NFASC: variants seen among roughly 807,000 people sequenced by gnomAD.
The protein encoded by NFASC is neurofascin.
In NFASC, 43 loss-of-function variants were observed where a neutral mutation model predicts 147.5. The observed-to-expected ratio is 0.29, with a 90% CI of 0.23 to 0.38. The LOEUF is 0.38. Ranked by LOEUF, NFASC falls within the 10% of genes least tolerant of loss-of-function variation. NFASC has a pLI of 1.00. For missense variants in NFASC, 1,320 were observed against 1,689.0 expected (o/e 0.78, Z 3.83); for synonymous variants, 622 against 665.5 (o/e 0.93, Z 1.01).
chr1:205,017,040 T>TCTCCTGGGG lies in NFASC; in HGVS notation c.*501_*502insCTCCTGGGG. 3.7e-6 allele frequency: 1 copy of TCTCCTGGGG among 270,216 alleles called. No homozygotes were observed. Among genetic ancestry groups the TCTCCTGGGG allele is most frequent in the Non-Finnish European group, 7.3e-6 (1 of 136,692 alleles). 16.7% of individuals were successfully genotyped at this position (270,216 alleles called of 1,614,324 possible). A position where few individuals can be genotyped will look rare whatever the true frequency, so the allele number is the denominator to read the frequency against. On this transcript the variant is annotated 3_prime_UTR_variant, in exon 30 of 30. Transcript: ENST00000339876. ...TTTTGCAAAGATAGGCAAAAAGGATTGAATCCATACCAGAACACGTAGACA... is the reference window on the plus strand; with the variant it reads ...TTTTGCAAAGATAGGCAAAAAGGATTCTCCTGGGGGAATCCATACCAGAACACGTAGACA...
At chr1:204,933,466 G>T (rs780963287) in intron 2 of NFASC, among the ~76,000 whole-genome samples, 1 of 152,122 alleles carries the variant, frequency 6.6e-6, no homozygotes, top group Admixed American at 6.6e-5. Context: ...TGGGGCACAT[G>T]ACCCCAATGG....
At chr1:204,856,557 C>A (rs557539296) in intron 1 of NFASC, among the ~76,000 whole-genome samples, 1 of 152,116 alleles carries the variant, frequency 6.6e-6, no homozygotes, top group Non-Finnish European at 1.5e-5. Flanking sequence ...TTCAAGTGAA[C>A]GATTCAGTGA....
intron 1 of NFASC, among the ~76,000 whole-genome samples, chr1:204,909,039 A>G (rs958467582): frequency 1.3e-5 from 2 of 152,336 alleles, no homozygotes; most frequent in East Asian, 1.9e-4. Flanking sequence ...TAAAGCTGTT[A>G]TAAACATTTA....
chr1:204,989,899 A>G (rs535366203), intron 23 of NFASC: 6 of 152,394 alleles, frequency 3.9e-5, no homozygotes, highest in African/African-American at 1.4e-4. Flanking sequence ...GGTGCTTTCC[A>G]CAGAAGGGTC....
intron 23 of NFASC, chr1:204,989,419 C>G (rs942404077): frequency 6.5e-6 from 1 of 153,966 alleles, no homozygotes; most frequent in Non-Finnish European, 1.4e-5. Flanking sequence ...GAGTTCATCA[C>G]CTGGGTCCAG....
intron 1 of NFASC, among the ~76,000 whole-genome samples, chr1:204,891,007 A>G (rs966628800): frequency 6.6e-6 from 1 of 152,194 alleles, no homozygotes; most frequent in Non-Finnish European, 1.5e-5. Context: ...AGAAGGTATT[A>G]CTTCAATTCA....
chr1:204,848,464 G>A lies in NFASC; in HGVS notation c.-200+19682G>A, dbSNP rs991964229. ...TGGTCTCAAACTCCTGGGTTCAAGC[G>A]AACCTCCTGCCTTGGCTTCCCAAAG... is the stretch of plus-strand genomic sequence containing the variant. On this transcript the variant is annotated intron_variant, in intron 1 of 29. Coordinates refer to ENST00000339876, the MANE Select transcript of NFASC (RefSeq NM_001005388.3). Among the ~76,000 whole-genome samples the A allele has an allele frequency of 1.4e-4, 22 of 152,056 alleles. 1 individual carries two copies. Among genetic ancestry groups the A allele is most frequent in the African/African-American group, 2.4e-5 (1 of 41,376 alleles).
chr1:204,928,240 T>C (rs1573183121), intron 2 of NFASC, among the ~76,000 whole-genome samples: 1 of 152,184 alleles, frequency 6.6e-6, no homozygotes, highest in South Asian at 2.1e-4. Flanking sequence ...GTATACCGAC[T>C]ACATTTGAGC....
intron 1 of NFASC, among the ~76,000 whole-genome samples, chr1:204,838,566 G>A (rs1674437549): frequency 6.6e-6 from 1 of 152,182 alleles, no homozygotes; most frequent in Non-Finnish European, 1.5e-5. Flanking sequence ...TGGGGTCTCA[G>A]GGACCTGATC....
At chr1:204,950,707 G>A (rs2094045320) in intron 4 of NFASC, 133 bp downstream of exon 4, 3 of 797,554 alleles carry the variant, frequency 3.8e-6, no homozygotes, top group Non-Finnish European at 6.5e-6. Context: ...CTGTAGTGAG[G>A]TATCTTACTG....
chr1:204,968,501 G>T lies in NFASC; in HGVS notation c.818+141G>T. The stretch of plus-strand genomic sequence containing the variant: ...GAAGCAAACAGCCTCTAGTGAGCAG[G>T]GTGTTGCAAACCATAGTCATCTCCA... On this transcript the variant is annotated intron_variant, in intron 9 of 29. Coordinates refer to ENST00000339876, the MANE Select transcript of NFASC (RefSeq NM_001005388.3). This position sits in a 1 kb window ranked among gnomAD's most constrained non-coding sequence, Gnocchi z 5.4. 1.5e-6 allele frequency: 1 copy of T among 661,492 alleles called. No homozygotes were observed. The highest frequency in any genetic ancestry group is 2.6e-6 in the Non-Finnish European group (1 of 380,138). The allele number at this position is 661,492 out of a possible 1,614,324, so 41.0% of individuals were successfully genotyped here. A position where few individuals can be genotyped will look rare whatever the true frequency, so the allele number is the denominator to read the frequency against.
At chr1:204,853,881 A>T (rs1399872386) in intron 1 of NFASC, among the ~76,000 whole-genome samples, 3 of 152,118 alleles carry the variant, frequency 2.0e-5, no homozygotes, top group African/African-American at 7.2e-5. Flanking sequence ...GCAAGGGGGA[A>T]CCCATCCATA....
Position 204,856,434 on chromosome 1 carries a change from C to T in NFASC, c.-200+27652C>T, listed in dbSNP as rs114271067. 8.4e-3 allele frequency among the ~76,000 whole-genome samples: 1,117 copies of T among 132,484 alleles called. 14 individuals carry two copies. Among genetic ancestry groups the T allele is most frequent in the Middle Eastern group, 0.038 (9 of 238 alleles). 86.9% of individuals were successfully genotyped at this position (132,484 alleles called of 152,430 possible). A position where few individuals can be genotyped will look rare whatever the true frequency, so the allele number is the denominator to read the frequency against. ...GTGTGTGTGTGATTGTGTGAAGAAA[C>T]GTCTGCCAAACATATGTAAAAAAGA... On this transcript the variant is annotated intron_variant, in intron 1 of 29. Coordinates refer to ENST00000339876, the MANE Select transcript of NFASC (RefSeq NM_001005388.3).
At chr1:204,884,636 A>G (rs1230294725) in intron 1 of NFASC, among the ~76,000 whole-genome samples, 1 of 152,082 alleles carries the variant, frequency 6.6e-6, no homozygotes, top group Non-Finnish European at 1.5e-5. Flanking sequence ...AGCCTTTGTG[A>G]GCCTCAGCTT....
At chr1:204,902,706 T>C (rs1477684251) in intron 1 of NFASC, among the ~76,000 whole-genome samples, 1 of 152,128 alleles carries the variant, frequency 6.6e-6, no homozygotes, top group African/African-American at 2.4e-5. Flanking sequence ...TCGTTATGCT[T>C]TTTCTACTTC....
At position 204,952,077 on chromosome 1, in the gene NFASC, T is replaced by C. The variant is rs1421693929; in HGVS notation, c.176T>C (p.Ile59Thr). ...KDHIVDPRDN[I>T]LIECEAKGNP... ...CACATCGTGGACCCCCGTGATAACATCCTGATTGAGTGTGAAGCAAAAGGG... is the reference window on the plus strand; with the variant it reads ...CACATCGTGGACCCCCGTGATAACACCCTGATTGAGTGTGAAGCAAAAGGG... The change falls in exon 5 of 30, where the codon ATC (isoleucine) becomes ACC (threonine). Residue 59 changes from isoleucine to threonine, a missense_variant. Around this residue, in one of 3 missense-constraint regions of NFASC, gnomAD observed 981 missense variants for 1,289.5 expected, o/e 0.76. Transcript: ENST00000339876. The C allele has an allele frequency of 6.2e-7, 1 of 1,614,080 alleles. No homozygotes were observed. The highest frequency in any genetic ancestry group is 8.5e-7 in the Non-Finnish European group (1 of 1,180,016).
intron 1 of NFASC, among the ~76,000 whole-genome samples, chr1:204,882,230 C>T (rs1160806643): frequency 6.6e-6 from 1 of 152,146 alleles, no homozygotes; most frequent in Non-Finnish European, 1.5e-5. Flanking sequence ...ACCCCAACCC[C>T]TGGCCATGCC....
At chr1:204,933,674 T>G (rs2092567821) in intron 2 of NFASC, among the ~76,000 whole-genome samples, 2 of 150,598 alleles carry the variant, frequency 1.3e-5, no homozygotes, top group Admixed American at 1.3e-4. Flanking sequence ...CTGAGAACAC[T>G]AGATTCAGCC....
chr1:204,987,327 T>C lies in NFASC; in HGVS notation c.2471-91T>C. Reference sequence around the variant, plus strand: ...AGCATGGGGGTTGTCCAGAGGTCAATGCCTTCATACTTGTGCTTTGTTTTT... The same window carrying C: ...AGCATGGGGGTTGTCCAGAGGTCAACGCCTTCATACTTGTGCTTTGTTTTT... On this transcript the variant is annotated intron_variant, in intron 21 of 29. Coordinates refer to ENST00000339876, the MANE Select transcript of NFASC (RefSeq NM_001005388.3). This position sits in a 1 kb window ranked among gnomAD's most constrained non-coding sequence, Gnocchi z 4.4. 1 of 1,271,894 alleles carries C rather than the reference T, an allele frequency of 7.9e-7. No homozygotes were observed. The highest frequency in any genetic ancestry group is 1.5e-5 in the African/African-American group (1 of 67,894). 78.8% of individuals were successfully genotyped at this position (1,271,894 alleles called of 1,614,324 possible).
Sources: allele counts gnomAD v4.1 joint callset (sites outside exome capture counted in the v4.1 genomes callset), GRCh38; gene constraint gnomAD v4.1.1; regional missense constraint gnomAD v4.1.1; non-coding constraint Gnocchi (gnomAD v3.1); transcripts MANE v1.5; gene names NCBI Gene and HGNC (gene_info 2026-07-23, HGNC 2026-07-21).